The following DCC variants were observed in gnomAD, a reference collection of about 807,000 sequenced individuals.
The protein encoded by DCC is netrin receptor DCC.
In DCC, 58 loss-of-function variants were observed where a neutral mutation model predicts 172.5. That is an observed-to-expected ratio of 0.34 (90% confidence interval 0.27 to 0.42). The LOEUF is 0.42. Among genes scored for constraint, DCC ranks in the 10% least tolerant of loss-of-function variants. The pLI, the probability that DCC is intolerant of heterozygous loss-of-function variation, is 1.00. For missense variants in DCC, 1,740 were observed against 1,791.0 expected, an observed-to-expected ratio of 0.97 and a Z score of 0.51; for synonymous variants, 709 against 644.5, an observed-to-expected ratio of 1.10 and a Z score of -1.52.
intron 2 of DCC, among the ~76,000 whole-genome samples, chr18:52,855,167 A>G (rs866593046): frequency 2.0e-5 from 3 of 152,178 alleles, no homozygotes; most frequent in South Asian, 4.1e-4. Context: ...CCCAGGTTCT[A>G]GTGCTTTCCA....
At chr18:52,927,453 T>G (rs2040236339) in intron 5 of DCC, among the ~76,000 whole-genome samples, 1 of 151,894 alleles carries the variant, frequency 6.6e-6, no homozygotes, top group Admixed American at 6.6e-5. Context: ...GTGAATACTT[T>G]TGGTATCTTG....
chr18:52,380,145 C>T (rs376689196), intron 1 of DCC, among the ~76,000 whole-genome samples: 17 of 152,122 alleles, frequency 1.1e-4, no homozygotes, highest in African/African-American at 4.1e-4. Context: ...AGTCACTAAT[C>T]CATTCATGAT....
chr18:52,911,638 T>C (rs1303242282), intron 3 of DCC, among the ~76,000 whole-genome samples: 1 of 152,002 alleles, frequency 6.6e-6, no homozygotes, highest in Non-Finnish European at 1.5e-5. Flanking sequence ...TTTTGAGCAA[T>C]GAATACACTG....
At chr18:53,346,468 C>T (rs756534017) in intron 15 of DCC, among the ~76,000 whole-genome samples, 8 of 151,980 alleles carry the variant, frequency 5.3e-5, no homozygotes, top group African/African-American at 7.2e-5. Flanking sequence ...TGTTTTCTTT[C>T]GTTTTTTAAC....
At chr18:53,361,898 T>C (rs555248101) in intron 15 of DCC, among the ~76,000 whole-genome samples, 2 of 152,188 alleles carry the variant, frequency 1.3e-5, no homozygotes, top group Non-Finnish European at 2.9e-5. Context: ...TTTATGATAA[T>C]CTAGTTCGCA....
intron 2 of DCC, among the ~76,000 whole-genome samples, chr18:52,788,040 T>C (rs1350464134): frequency 1.3e-5 from 2 of 152,186 alleles, no homozygotes; most frequent in Non-Finnish European, 2.9e-5. Flanking sequence ...AGTCTTGCTG[T>C]GCTTTTATTT....
intron 12 of DCC, among the ~76,000 whole-genome samples, chr18:53,225,883 A>T (rs981414056): frequency 1.3e-5 from 2 of 152,098 alleles, no homozygotes; most frequent in African/African-American, 4.8e-5. Flanking sequence ...CCAGGGAAGA[A>T]CGGGTCAGGG....
At chr18:53,511,884 G>C (rs1400332622) in intron 27 of DCC, among the ~76,000 whole-genome samples, 1 of 152,206 alleles carries the variant, frequency 6.6e-6, no homozygotes, top group Non-Finnish European at 1.5e-5. Flanking sequence ...CAGCGAGGCT[G>C]GGGGAGGGGC....
intron 2 of DCC, among the ~76,000 whole-genome samples, chr18:52,886,487 C>T (rs1376659933): frequency 1.3e-5 from 2 of 152,182 alleles, no homozygotes; most frequent in African/African-American, 4.8e-5. Flanking sequence ...TGCTGTCTGT[C>T]CCACAATTGC....
intron 1 of DCC, among the ~76,000 whole-genome samples, chr18:52,611,780 G>T (rs1001394207): frequency 2.6e-5 from 4 of 152,080 alleles, no homozygotes; most frequent in African/African-American, 9.7e-5. Flanking sequence ...CTTGCAAATG[G>T]ACAGAATAAA....
rs143195036 is a variant in DCC, at chr18:52,462,339, C to T, written c.91+121461C>T. 1.9e-3 allele frequency among the ~76,000 whole-genome samples: 282 copies of T among 152,232 alleles called. 2 individuals are homozygous for T. Among genetic ancestry groups the T allele is most frequent in the African/African-American group, 6.4e-3 (267 of 41,538 alleles). Reference sequence around the variant, plus strand: ...TTCCCACCTCAGTCAAAATAAGCATCAAAGCCCTTCCAATGCCCTAAAGAC... The same window carrying T: ...TTCCCACCTCAGTCAAAATAAGCATTAAAGCCCTTCCAATGCCCTAAAGAC... On this transcript the variant is annotated intron_variant, in intron 1 of 28. Coordinates refer to ENST00000442544, the MANE Select transcript of DCC (RefSeq NM_005215.4).
At chr18:53,273,367 T>C (rs966927071) in intron 12 of DCC, among the ~76,000 whole-genome samples, 4 of 152,152 alleles carry the variant, frequency 2.6e-5, no homozygotes, top group Non-Finnish European at 4.4e-5. Flanking sequence ...CAAAATGACC[T>C]GATTCATCAT....
At chr18:53,050,938 A>G (rs897964061) in intron 5 of DCC, among the ~76,000 whole-genome samples, 1 of 152,172 alleles carries the variant, frequency 6.6e-6, no homozygotes, top group Admixed American at 6.5e-5. Flanking sequence ...CAAAAAAACA[A>G]AAACTTTCAG....
At chr18:53,209,637 T>C (rs575927528) in intron 11 of DCC, among the ~76,000 whole-genome samples, 4 of 152,336 alleles carry the variant, frequency 2.6e-5, no homozygotes, top group African/African-American at 9.6e-5. Flanking sequence ...ATGTATTTTA[T>C]ACGTAATACC....
At position 53,496,224 on chromosome 18, in the gene DCC, G is replaced by A. The variant is rs566576146; in HGVS notation, c.3899-3074G>A. 8.8e-4 allele frequency among the ~76,000 whole-genome samples: 134 copies of A among 152,264 alleles called. 1 individual carries two copies. In the South Asian group the frequency reaches 0.028, roughly 31 times the overall value. The stretch of plus-strand genomic sequence containing the variant: ...TATAGGCAAGCTCTGGCTGGCGGGT[G>A]CCTCTCTGGGACGAAGCTTCCAGAG... On this transcript the variant is annotated intron_variant, in intron 26 of 28. Transcript: ENST00000442544.
intron 1 of DCC, among the ~76,000 whole-genome samples, chr18:52,589,790 T>C (rs2033757206): frequency 6.6e-6 from 1 of 152,206 alleles, no homozygotes. Flanking sequence ...AAGGGACTTA[T>C]ATGTGGAATT....
chr18:52,990,971 C>T (rs556038140), intron 5 of DCC, among the ~76,000 whole-genome samples: 107 of 152,176 alleles, frequency 7.0e-4, no homozygotes, highest in Admixed American at 5.6e-3. Flanking sequence ...AGTTTATTGA[C>T]GAGGGCATTG....
intron 12 of DCC, among the ~76,000 whole-genome samples, chr18:53,264,773 A>C (rs1436400228): frequency 1.3e-5 from 2 of 152,014 alleles, no homozygotes; most frequent in African/African-American, 4.8e-5. Flanking sequence ...TTTGCTGAAA[A>C]GAATAAGGAT....
chr18:52,476,706 G>T (rs1598848701), intron 1 of DCC, among the ~76,000 whole-genome samples: 1 of 152,130 alleles, frequency 6.6e-6, no homozygotes, highest in Non-Finnish European at 1.5e-5. Context: ...GTCACTGTCT[G>T]CAATAGTCAG....
Sources: allele counts gnomAD v4.1 joint callset (sites outside exome capture counted in the v4.1 genomes callset), GRCh38; gene constraint gnomAD v4.1.1; transcripts MANE v1.5; gene names NCBI Gene and HGNC (gene_info 2026-07-23, HGNC 2026-07-21).